CADPS: variants seen among roughly 807,000 people sequenced by gnomAD.
The protein encoded by CADPS is calcium-dependent secretion activator 1.
Under a neutral mutation model 167.3 loss-of-function variants are expected in CADPS, and 57 were observed. The observed-to-expected ratio is 0.34, with a 90% CI of 0.28 to 0.42. CADPS has a LOEUF of 0.42. Ranked by LOEUF, CADPS falls within the 20% of genes least tolerant of loss-of-function variation. The pLI is 1.00. For synonymous variants in CADPS, 676 were observed against 635.3 expected, an observed-to-expected ratio of 1.06 and a Z score of -0.96; for missense variants, 1,414 against 1,738.1, an observed-to-expected ratio of 0.81 and a Z score of 3.32.
chr3:62,535,239 T>C (rs901797520), intron 12 of CADPS, among the ~76,000 whole-genome samples: 1 of 150,068 alleles, frequency 6.7e-6, no homozygotes, highest in African/African-American at 2.4e-5. Context: ...TCTTTTTCTT[T>C]TTTTTTTTTT....
chr3:62,480,944 C>T (rs1560991472), intron 22 of CADPS, among the ~76,000 whole-genome samples: 1 of 152,152 alleles, frequency 6.6e-6, no homozygotes, highest in South Asian at 2.1e-4. Context: ...ACCCTCACTC[C>T]CCCAAACTGC....
At chr3:62,754,836 G>C (rs1414216628) in intron 2 of CADPS, among the ~76,000 whole-genome samples, 1 of 152,128 alleles carries the variant, frequency 6.6e-6, no homozygotes, top group Non-Finnish European at 1.5e-5. Context: ...CAGGCACATA[G>C]CATTAAACAT....
chr3:62,666,285 G>A (rs2074385971), intron 3 of CADPS, among the ~76,000 whole-genome samples: 1 of 152,162 alleles, frequency 6.6e-6, no homozygotes, highest in South Asian at 2.1e-4. Context: ...TGCAACTGAA[G>A]CTCCCTAAAA....
intron 3 of CADPS, among the ~76,000 whole-genome samples, chr3:62,742,239 T>A (rs1230883720): frequency 6.6e-6 from 1 of 152,102 alleles, no homozygotes; most frequent in Non-Finnish European, 1.5e-5. Flanking sequence ...CCTATTAAAC[T>A]ATCATTGAGA....
chr3:62,547,598 CCG>C (rs71123272), intron 11 of CADPS, among the ~76,000 whole-genome samples: 1,922 of 118,380 alleles, frequency 0.016, 163 homozygotes, highest in African/African-American at 0.064. Context: ...CCCCCCCCCC[CCG>C]CAAATTCTAA....
intron 1 of CADPS, among the ~76,000 whole-genome samples, chr3:62,843,034 A>G (rs985179145): frequency 2.6e-5 from 4 of 152,026 alleles, no homozygotes; most frequent in Admixed American, 1.3e-4. Flanking sequence ...ATGATTCATT[A>G]TCAAATTTAG....
intron 3 of CADPS, among the ~76,000 whole-genome samples, chr3:62,688,657 C>T (rs957319607): frequency 6.6e-6 from 1 of 152,078 alleles, no homozygotes; most frequent in African/African-American, 2.4e-5. Flanking sequence ...CTTTAAATAC[C>T]TTCCTGTCCT....
chr3:62,687,068 C>T (rs17066807), intron 3 of CADPS, among the ~76,000 whole-genome samples: 4,449 of 152,206 alleles, frequency 0.029, 250 homozygotes, highest in African/African-American at 0.1. Context: ...CAGCCACAAG[C>T]ATGGGTTTCT....
At chr3:62,414,163 G>A (rs2049540927) in intron 28 of CADPS, among the ~76,000 whole-genome samples, 1 of 152,178 alleles carries the variant, frequency 6.6e-6, no homozygotes, top group Non-Finnish European at 1.5e-5. Context: ...ACAAGAAAAG[G>A]ATGCATTTTT....
intron 6 of CADPS, among the ~76,000 whole-genome samples, chr3:62,615,353 C>A (rs1264936859): frequency 6.6e-6 from 1 of 152,160 alleles, no homozygotes; most frequent in South Asian, 2.1e-4. Flanking sequence ...ACAAGAGTGA[C>A]TCTTAGTTGG....
At chr3:62,516,036 C>T (rs755199688) in intron 16 of CADPS, 23 bp downstream of exon 16, 24 of 1,611,720 alleles carry the variant, frequency 1.5e-5, no homozygotes, top group Non-Finnish European at 2.0e-5. Flanking sequence ...AAATTCAAAA[C>T]TGGGGGCAGA....
chr3:62,449,506 A>G (rs549586676), intron 26 of CADPS, among the ~76,000 whole-genome samples: 1 of 152,302 alleles, frequency 6.6e-6, no homozygotes, highest in African/African-American at 2.4e-5. Context: ...TAAGTTATCC[A>G]TATCCATATC....
chr3:62,779,294 G>A, intron 1 of CADPS: 1 of 370,202 alleles, frequency 2.7e-6, no homozygotes, highest in South Asian at 2.5e-5. Context: ...GGAAACTTCT[G>A]GGTTGCAGCC....
At chr3:62,706,192 G>T (rs2082278856) in intron 3 of CADPS, among the ~76,000 whole-genome samples, 1 of 151,998 alleles carries the variant, frequency 6.6e-6, no homozygotes, top group South Asian at 2.1e-4. Context: ...ATAAAGACTT[G>T]AATGGCACCT....
intron 3 of CADPS, among the ~76,000 whole-genome samples, chr3:62,717,805 G>A (rs1405016419): frequency 6.6e-6 from 1 of 152,096 alleles, no homozygotes; most frequent in Non-Finnish European, 1.5e-5. Context: ...GTGTCCTGTT[G>A]CATCCAAACT....
intron 1 of CADPS, among the ~76,000 whole-genome samples, chr3:62,817,397 G>A (rs942473068): frequency 1.3e-5 from 2 of 152,094 alleles, no homozygotes; most frequent in Non-Finnish European, 2.9e-5. Flanking sequence ...ATTCAACACT[G>A]TCATATGAGA....
At chr3:62,699,037 G>A (rs887046598) in intron 3 of CADPS, among the ~76,000 whole-genome samples, 1 of 151,820 alleles carries the variant, frequency 6.6e-6, no homozygotes, top group Non-Finnish European at 1.5e-5. Flanking sequence ...TCTTTCATGG[G>A]GATTTCTGAA....
chr3:62,818,853 G>A (rs1052734834), intron 1 of CADPS, among the ~76,000 whole-genome samples: 2 of 152,078 alleles, frequency 1.3e-5, no homozygotes, highest in South Asian at 2.1e-4. Flanking sequence ...CAGTTAAAAC[G>A]GACAATCTAC....
At chr3:62,790,008 CT>C (rs1435238699) in intron 1 of CADPS, among the ~76,000 whole-genome samples, 1 of 151,696 alleles carries the variant, frequency 6.6e-6, no homozygotes, top group Non-Finnish European at 1.5e-5. Flanking sequence ...TATATATTGT[CT>C]TTTAGGTACA....
Sources: allele counts gnomAD v4.1 joint callset (sites outside exome capture counted in the v4.1 genomes callset), GRCh38; gene constraint gnomAD v4.1.1; transcripts MANE v1.5; gene names NCBI Gene and HGNC (gene_info 2026-07-23, HGNC 2026-07-21).